The following ACVR2A variants were observed in gnomAD, a reference collection of about 807,000 sequenced individuals.
The protein encoded by ACVR2A is activin receptor type-2A.
Under a neutral mutation model 61.4 loss-of-function variants are expected in ACVR2A, and 7 were observed. The ratio of observed to expected loss-of-function variants is 0.11; its 90% CI spans 0.06 to 0.21. ACVR2A has a LOEUF of 0.21. ACVR2A is among the 10% of genes least tolerant of loss of function. The pLI is 1.00. For synonymous variants in ACVR2A, 193 were observed against 208.3 expected (o/e 0.93, Z 0.63); for missense variants, 322 against 621.7 (o/e 0.52, Z 5.13).
intron 1 of ACVR2A, among the ~76,000 whole-genome samples, chr2:147,895,760 T>C (rs1014908063): frequency 2.0e-5 from 3 of 152,216 alleles, no homozygotes; most frequent in African/African-American, 7.2e-5. Context: ...AAGAATTTAG[T>C]ATATAATATG....
chr2:147,891,784 T>G (rs1033985615), intron 1 of ACVR2A, among the ~76,000 whole-genome samples: 1 of 152,128 alleles, frequency 6.6e-6, no homozygotes, highest in African/African-American at 2.4e-5. Context: ...AATCTTTACA[T>G]AAAAAAATTG....
intron 1 of ACVR2A, among the ~76,000 whole-genome samples, chr2:147,859,728 A>G (rs1297197005): frequency 4.6e-5 from 7 of 151,986 alleles, no homozygotes; most frequent in South Asian, 4.1e-4. Flanking sequence ...GAGGCGCATG[A>G]AAAGTGTAAA....
At chr2:147,867,813 C>G (rs72853855) in intron 1 of ACVR2A, among the ~76,000 whole-genome samples, 2,030 of 152,226 alleles carry the variant, frequency 0.013, 22 homozygotes, top group Non-Finnish European at 0.019. Flanking sequence ...TCTTTTCCAG[C>G]TTCATTTCCT....
At chr2:147,889,958 A>G (rs898923499) in intron 1 of ACVR2A, among the ~76,000 whole-genome samples, 1 of 151,468 alleles carries the variant, frequency 6.6e-6, no homozygotes, top group Non-Finnish European at 1.5e-5. Context: ...CTGTAAACTG[A>G]GTGTGAATTA....
intron 1 of ACVR2A, among the ~76,000 whole-genome samples, chr2:147,861,481 A>G (rs1254041986): frequency 6.6e-6 from 1 of 152,176 alleles, no homozygotes; most frequent in Non-Finnish European, 1.5e-5. Flanking sequence ...GTAAAGTAGC[A>G]TGTCATTCAG....
At chr2:147,895,023 T>C (rs1686693411) in intron 1 of ACVR2A, among the ~76,000 whole-genome samples, 2 of 152,166 alleles carry the variant, frequency 1.3e-5, no homozygotes. Context: ...ATGAACTTTT[T>C]AGCCTAGAAA....
chr2:147,853,507 A>T (rs528269303), intron 1 of ACVR2A, among the ~76,000 whole-genome samples: 1 of 152,184 alleles, frequency 6.6e-6, no homozygotes, highest in South Asian at 2.1e-4. Context: ...TCACGCTTGA[A>T]ACCTAAACTT....
chr2:147,860,150 C>T (rs977897431), intron 1 of ACVR2A, among the ~76,000 whole-genome samples: 5 of 152,114 alleles, frequency 3.3e-5, no homozygotes, highest in Non-Finnish European at 5.9e-5. Flanking sequence ...TCTTTGTCCT[C>T]TGTAGTACTA....
chr2:147,890,556 A>C (rs1686557525), intron 1 of ACVR2A, among the ~76,000 whole-genome samples: 1 of 152,134 alleles, frequency 6.6e-6, no homozygotes, highest in Admixed American at 6.5e-5. Flanking sequence ...TTGGTTAAGA[A>C]CTGCTGTACT....
intron 3 of ACVR2A, 60 bp from the exon 4 acceptor site, chr2:147,899,684 A>G (rs1686826373): frequency 1.3e-6 from 2 of 1,597,124 alleles, no homozygotes; most frequent in East Asian, 2.2e-5. Flanking sequence ...ACTATGACAG[A>G]TATTTATTAT....
At chr2:147,850,801 C>G (rs1685426534) in intron 1 of ACVR2A, among the ~76,000 whole-genome samples, 1 of 152,064 alleles carries the variant, frequency 6.6e-6, no homozygotes, top group South Asian at 2.1e-4. Flanking sequence ...TTGTTAGTCA[C>G]TTTTGTATAC....
intron 1 of ACVR2A, among the ~76,000 whole-genome samples, chr2:147,856,284 A>T (rs1685571560): frequency 6.6e-6 from 1 of 152,312 alleles, no homozygotes; most frequent in Non-Finnish European, 1.5e-5. Flanking sequence ...TATTACACAC[A>T]GGTAAAACCA....
chr2:147,922,809 T>C (rs999033939), intron 8 of ACVR2A, among the ~76,000 whole-genome samples, 164 bp from the exon 9 acceptor site: 34 of 152,162 alleles, frequency 2.2e-4, no homozygotes, highest in Admixed American at 2.0e-3. Flanking sequence ...TCTGTTGATA[T>C]ATTTTTTAAG....
At chr2:147,926,227 C>T (rs1687495685) in intron 10 of ACVR2A, 66 bp downstream of exon 10, 1 of 1,547,696 alleles carries the variant, frequency 6.5e-7, no homozygotes, top group African/African-American at 1.4e-5. Flanking sequence ...AATTATTTAT[C>T]TCTGCACATT....
intron 1 of ACVR2A, among the ~76,000 whole-genome samples, chr2:147,891,944 A>G (rs572749540): frequency 1.5e-4 from 22 of 151,658 alleles, no homozygotes; most frequent in Admixed American, 9.9e-4. Context: ...AAGTGGTGGT[A>G]GCAGCCCTTC....
At chr2:147,864,885 C>CT (rs1178040601) in intron 1 of ACVR2A, among the ~76,000 whole-genome samples, 1 of 152,018 alleles carries the variant, frequency 6.6e-6, no homozygotes. Flanking sequence ...TTTTAATTGT[C>CT]TAAGAAAACA....
At chr2:147,904,700 A>C (rs1686946683) in intron 4 of ACVR2A, among the ~76,000 whole-genome samples, 1 of 152,022 alleles carries the variant, frequency 6.6e-6, no homozygotes, top group South Asian at 2.1e-4. Context: ...CTATTCACTG[A>C]GAAACCAAGC....
rs1414340942 is a variant in ACVR2A, at chr2:147,870,127, G to A, written c.55+24920G>A. On this transcript the variant is annotated intron_variant, in intron 1 of 10. Coordinates refer to ENST00000241416, the MANE Select transcript of ACVR2A (RefSeq NM_001616.5). ...GGGATGTGAAGGTGTTGTCAGGTGTGTGAGAAGGTCTTAATGTGGTGTATT... is the reference window on the plus strand; with the variant it reads ...GGGATGTGAAGGTGTTGTCAGGTGTATGAGAAGGTCTTAATGTGGTGTATT... 6.6e-5 allele frequency among the ~76,000 whole-genome samples: 10 copies of A among 152,078 alleles called. No individual in the cohort carries two copies. The East Asian group carries it at 1.5e-3, about 23-fold the overall frequency.
At chr2:147,920,207 T>A (rs776745897) in intron 7 of ACVR2A, 23 bp from the exon 8 acceptor site, 3 of 1,546,134 alleles carry the variant, frequency 1.9e-6, no homozygotes, top group Non-Finnish European at 2.7e-6. Flanking sequence ...AAACTTAATT[T>A]GAATACTCTT....
Sources: allele counts gnomAD v4.1 joint callset (sites outside exome capture counted in the v4.1 genomes callset), GRCh38; gene constraint gnomAD v4.1.1; transcripts MANE v1.5; gene names NCBI Gene and HGNC (gene_info 2026-07-23, HGNC 2026-07-21).